Variants in HIRA observed in about 807,000 individuals in gnomAD.
HIRA encodes the protein protein HIRA.
HIRA carries 13 observed loss-of-function variants against 126.6 expected under a neutral mutation model. The ratio of observed to expected loss-of-function variants is 0.10; its 90% CI spans 0.07 to 0.16. The LOEUF is 0.16. HIRA is among the 10% of genes least tolerant of loss of function. The probability of loss-of-function intolerance (pLI) is 1.00; values close to 1 mark genes in which losing one functional copy is unlikely to be tolerated. For synonymous variants in HIRA, 511 were observed against 520.0 expected, an observed-to-expected ratio of 0.98 and a Z score of 0.24; for missense variants, 834 against 1,314.4, an observed-to-expected ratio of 0.63 and a Z score of 5.65.
chr22:19,399,150 CGCA>C, intron 5 of HIRA: 1 of 985,358 alleles, frequency 1.0e-6, no homozygotes, highest in Non-Finnish European at 1.2e-6. Context: ...GGGTGAAGGG[CGCA>C]GTCTTAGTTA....
At chr22:19,393,591 C>T (rs2089199960) in intron 8 of HIRA, among the ~76,000 whole-genome samples, 1 of 152,086 alleles carries the variant, frequency 6.6e-6, no homozygotes, top group African/African-American at 2.4e-5. Context: ...CTCCTGACCT[C>T]ATGATCCGCC....
chr22:19,430,257 C>T (rs2089520992), intron 1 of HIRA: 1 of 152,138 alleles, frequency 6.6e-6, no homozygotes, highest in Admixed American at 6.5e-5. Context: ...AGCACATCTA[C>T]CGGGGTAACT....
chr22:19,405,016 T>C (rs548824154), intron 5 of HIRA, among the ~76,000 whole-genome samples: 1 of 152,268 alleles, frequency 6.6e-6, no homozygotes, highest in South Asian at 2.1e-4. Flanking sequence ...TGGCTCCCTA[T>C]CTCTTCCATG....
In HIRA at chr22:19,374,689, A is replaced by C. The variant is rs528210909; in HGVS notation, c.1775+942T>G. On this transcript the variant is annotated intron_variant, in intron 15 of 24. Coordinates refer to ENST00000263208, the MANE Select transcript of HIRA (RefSeq NM_003325.4). The stretch of plus-strand genomic sequence containing the variant: ...TGGCTTTAGCTCCAAATCACCATCT[A>C]CTGCAAGGACAGGTCACATACAAAT... Among the ~76,000 whole-genome samples, 3 of 152,242 alleles carry C rather than the reference A, an allele frequency of 2.0e-5. No homozygotes were observed. The East Asian group carries it at 5.8e-4, about 29-fold the overall frequency.
In HIRA at chr22:19,412,664, C is replaced by G. The variant is rs529825496; in HGVS notation, c.38-1886G>C. ...TCCCCTCAAGAAGCACACCAGAAAC[C>G]CTTACCTGCAAGTCACAGTTCCCCT... On this transcript the variant is annotated intron_variant, in intron 1 of 24. Transcript: ENST00000263208. Among the ~76,000 whole-genome samples, 19 of 152,250 alleles carry G rather than the reference C, an allele frequency of 1.2e-4. No homozygotes were observed. The South Asian group carries it at 3.5e-3, about 28-fold the overall frequency.
intron 24 of HIRA, among the ~76,000 whole-genome samples, chr22:19,342,294 A>T (rs998935474): frequency 4.6e-5 from 7 of 152,126 alleles, no homozygotes; most frequent in Middle Eastern, 6.8e-3. Flanking sequence ...ATTAAAAAAT[A>T]AAAAAAATAG....
intron 16 of HIRA, 109 bp from the exon 17 acceptor site, chr22:19,361,450 A>T: frequency 1.1e-6 from 1 of 922,962 alleles, no homozygotes; most frequent in Non-Finnish European, 1.7e-6. Flanking sequence ...GAGCATTTCC[A>T]CCCTGGGAGG....
In HIRA at chr22:19,356,962, G is replaced by A. The variant is rs1556012778; in HGVS notation, c.2324C>T (p.Ser775Phe). 6.2e-7 allele frequency: 1 copy of A among 1,613,940 alleles called. No homozygotes were observed. Among genetic ancestry groups the A allele is most frequent in the African/African-American group, 1.3e-5 (1 of 74,934 alleles). ...RRLLSPILLP[S>F]PISTLHCTGS... ...TGTGCAATGCAAAGTAGAGATCGGG[G>A]ATGGCAGGAGGATGGGAGAGAGGAG... The change falls in exon 19 of 25, where the codon TCC (serine) becomes TTC (phenylalanine). Residue 775 changes from serine to phenylalanine, a missense_variant. Transcript: ENST00000263208.
chr22:19,366,914 G>T (rs929778504), intron 15 of HIRA, among the ~76,000 whole-genome samples: 1 of 151,928 alleles, frequency 6.6e-6, no homozygotes, highest in Non-Finnish European at 1.5e-5. Flanking sequence ...GGCATGCACC[G>T]TGACAACCGG....
chr22:19,346,502 G>C (rs2088688301), intron 24 of HIRA, among the ~76,000 whole-genome samples: 1 of 152,244 alleles, frequency 6.6e-6, no homozygotes, highest in Non-Finnish European at 1.5e-5. Context: ...GATCAGGAGA[G>C]GACCTGGCAG....
intron 5 of HIRA, chr22:19,405,514 A>G: frequency 2.0e-6 from 2 of 985,356 alleles, no homozygotes; most frequent in Non-Finnish European, 1.2e-6. Context: ...CAGGACAAAC[A>G]GCAGAACGTG....
chr22:19,332,069 G>C (rs2088495337), intron 24 of HIRA, among the ~76,000 whole-genome samples: 1 of 152,232 alleles, frequency 6.6e-6, no homozygotes, highest in Admixed American at 6.5e-5. Flanking sequence ...ACCAAACTAT[G>C]CTTAGTTGCC....
intron 1 of HIRA, among the ~76,000 whole-genome samples, chr22:19,423,482 TACACACACAC>T (rs777914879): frequency 2.2e-4 from 25 of 111,300 alleles, no homozygotes; most frequent in Middle Eastern, 4.8e-3. Flanking sequence ...CACACATGCA[TACACACACAC>T]ACACACACAC....
At chr22:19,403,445 T>C (rs1430982702) in intron 5 of HIRA, among the ~76,000 whole-genome samples, 1 of 151,874 alleles carries the variant, frequency 6.6e-6, no homozygotes, top group African/African-American at 2.4e-5. Context: ...CTGTCTCTAC[T>C]AAAAATACAA....
intron 24 of HIRA, among the ~76,000 whole-genome samples, chr22:19,346,064 G>T (rs147673794): frequency 6.6e-6 from 1 of 152,188 alleles, no homozygotes. Context: ...AAACACAAGC[G>T]GCTCTTAAGC....
intron 11 of HIRA, among the ~76,000 whole-genome samples, chr22:19,386,227 C>G (rs900248021): frequency 6.6e-6 from 1 of 152,152 alleles, no homozygotes; most frequent in African/African-American, 2.4e-5. Flanking sequence ...TATGGGAAGG[C>G]CTGGCACAGC....
In HIRA at chr22:19,374,270, G is replaced by C. The variant is rs140411991; in HGVS notation, c.1775+1361C>G. On this transcript the variant is annotated intron_variant, in intron 15 of 24. Transcript: ENST00000263208. ...AATCAATCAAACCTGGGAGGCGGAG[G>C]TTGCAGTGAGCAGAGTGGCTAGGAC... is the stretch of plus-strand genomic sequence containing the variant. Among the ~76,000 whole-genome samples the C allele has an allele frequency of 5.5e-3, 844 of 152,218 alleles. 29 individuals carry two copies. Among genetic ancestry groups the C allele is most frequent in the Admixed American group, 0.049 (748 of 15,288 alleles).
At chr22:19,409,802 TC>T (rs1201096506) in intron 2 of HIRA, among the ~76,000 whole-genome samples, 1 of 152,206 alleles carries the variant, frequency 6.6e-6, no homozygotes, top group Non-Finnish European at 1.5e-5. Flanking sequence ...GTGCGAACCC[TC>T]TGATTCCTTC....
chr22:19,414,631 T>C (rs371215111), intron 1 of HIRA, among the ~76,000 whole-genome samples: 3 of 152,242 alleles, frequency 2.0e-5, no homozygotes, highest in Non-Finnish European at 2.9e-5. Flanking sequence ...CACTGCCCAA[T>C]AGAACTTGGT....
Sources: gnomAD v4.1 joint callset for allele counts (sites outside exome capture counted in the v4.1 genomes callset) on GRCh38, gnomAD v4.1.1 for gene constraint, MANE v1.5 for transcripts, NCBI Gene and HGNC (gene_info 2026-07-23, HGNC 2026-07-21) for gene names.